The following PDCD1 variants were observed in gnomAD, a reference collection of about 807,000 sequenced individuals.
PDCD1 encodes the protein programmed cell death protein 1.
In PDCD1, 10 loss-of-function variants were observed where a neutral mutation model predicts 23.6. The ratio of observed to expected loss-of-function variants is 0.42; its 90% confidence interval spans 0.26 to 0.72. PDCD1 has a LOEUF of 0.72. Ranked by LOEUF, PDCD1 falls within the 30% of genes least tolerant of loss-of-function variation. PDCD1 has a pLI of 0.24. For synonymous variants in PDCD1, 168 were observed against 169.3 expected (o/e 0.99, Z 0.06); for missense variants, 313 against 397.8 (o/e 0.79, Z 1.81).
At chr2:241,851,372 C>G in intron 4 of PDCD1, 75 bp from the exon 5 acceptor site, 2 of 1,499,474 alleles carry the variant, frequency 1.3e-6, no homozygotes, top group Non-Finnish European at 1.8e-6. Flanking sequence ...CACAGCCTGG[C>G]TGCAGTACCG....
At chr2:241,854,464 T>C (rs1051739876) in intron 1 of PDCD1, among the ~76,000 whole-genome samples, 7 of 152,094 alleles carry the variant, frequency 4.6e-5, no homozygotes, top group African/African-American at 1.7e-4. Flanking sequence ...AGAGTGGATT[T>C]TGACCAAGGA....
At chr2:241,857,884 T>G (rs1298218161) in intron 1 of PDCD1, among the ~76,000 whole-genome samples, 1 of 152,036 alleles carries the variant, frequency 6.6e-6, no homozygotes, top group Non-Finnish European at 1.5e-5. Flanking sequence ...GTCTTAGGCT[T>G]GGCCTGGGTG....
At position 241,850,700 on chromosome 2, in the gene PDCD1, G is replaced by C. The variant is rs554320171; in HGVS notation, c.*358C>G. 3.6e-6 allele frequency: 2 copies of C among 549,130 alleles called. No individual in the cohort carries two copies. The allele number at this position is 549,130 out of a possible 1,614,324, so 34.0% of individuals were successfully genotyped here. On this transcript the variant is annotated 3_prime_UTR_variant, in exon 5 of 5. Transcript: ENST00000334409. ...GCTCCGGGGCGTCAGGCAGGGCCAC[G>C]GCGCCTTCAGCCCCGGGCCGCAGGC...
rs1000249974 is a variant in PDCD1, at chr2:241,852,874, C to T, written c.183G>A (p.Glu61=). 1 of 1,603,820 alleles carries T rather than the reference C, an allele frequency of 6.2e-7. No homozygotes were observed. Among genetic ancestry groups the T allele is most frequent in the Non-Finnish European group, 8.5e-7 (1 of 1,179,852 alleles). The change falls in exon 2 of 5, where the codon GAG becomes GAA. Residue 61 remains glutamate (E), a synonymous_variant. Transcript: ENST00000334409. ...TGCGGTACCAGTTTAGCACGAAGCTCTCCGATGTGTTGGAGAAGCTGCAGG... is the reference window on the plus strand; with the variant it reads ...TGCGGTACCAGTTTAGCACGAAGCTTTCCGATGTGTTGGAGAAGCTGCAGG... ...TFTCSFSNTS[E]SFVLNWYRMS... is the part of the protein sequence containing the mutation.
rs1474931313 is a variant in PDCD1 at position 241,852,319 on chromosome 2, G to T, written c.471C>A (p.Ser157Arg). The T allele has an allele frequency of 6.2e-7, 1 of 1,608,178 alleles. No individual in the cohort carries two copies. The highest frequency in any genetic ancestry group is 8.5e-7 in the Non-Finnish European group (1 of 1,176,774). The change falls in exon 3 of 5, where the codon AGC becomes AGA. Residue 157 changes from serine (S) to arginine (R), a missense_variant. Physicochemically the swap from Ser to Arg is moderately radical, Grantham distance 110. Coordinates refer to ENST00000334409, the MANE Select transcript of PDCD1 (RefSeq NM_005018.3). ...RRAEVPTAHP[S>R]PSPRPAGQFQ... ...ACTGGCCGGCTGGCCTGGGTGAGGGGCTGGGGTGGGCTGTGGGCACTTCTG... is the reference window on the plus strand; with the variant it reads ...ACTGGCCGGCTGGCCTGGGTGAGGGTCTGGGGTGGGCTGTGGGCACTTCTG...
Position 241,858,844 on chromosome 2 carries a change from G to A in PDCD1, c.-6C>T, listed in dbSNP as rs1701078608. On this transcript the variant is annotated 5_prime_UTR_variant, in exon 1 of 5. Transcript: ENST00000334409. ...GGCGCCTGTGGGATCTGCATGCCTG[G>A]AGCAGCCCCACCAGAGTGCCGCCTT... 1.3e-6 allele frequency: 2 copies of A among 1,567,510 alleles called. No homozygotes were observed. Among genetic ancestry groups the A allele is most frequent in the African/African-American group, 1.4e-5 (1 of 73,994 alleles).
At chr2:241,855,307 G>A (rs1301120575) in intron 1 of PDCD1, among the ~76,000 whole-genome samples, 1 of 152,074 alleles carries the variant, frequency 6.6e-6, no homozygotes, top group Non-Finnish European at 1.5e-5. Context: ...GTGTGGGGGT[G>A]CTGGGTGGCG....
At chr2:241,854,351 G>A (rs1700968607) in intron 1 of PDCD1, among the ~76,000 whole-genome samples, 1 of 152,364 alleles carries the variant, frequency 6.6e-6, no homozygotes, top group South Asian at 2.1e-4. Flanking sequence ...GGGCTGCTGA[G>A]GTGAGCCCCC....
chr2:241,852,581 G>T (rs41450345), intron 2 of PDCD1, 40 bp downstream of exon 2: 104 of 1,593,298 alleles, frequency 6.5e-5, no homozygotes, highest in Non-Finnish European at 8.7e-5. Flanking sequence ...CCCCAGGACC[G>T]GCTCAGCTCA....
intron 3 of PDCD1, 60 bp downstream of exon 3, chr2:241,852,138 G>T (rs1441959649): frequency 1.9e-6 from 3 of 1,558,992 alleles, no homozygotes; most frequent in Non-Finnish European, 2.6e-6. Flanking sequence ...AGGGGAGGCG[G>T]GAGTGAGGGC....
chr2:241,855,227 C>T (rs868081603), intron 1 of PDCD1, among the ~76,000 whole-genome samples: 5 of 151,910 alleles, frequency 3.3e-5, no homozygotes, highest in Admixed American at 1.3e-4. Context: ...GGCTAGACCT[C>T]GGTGTCTGCA....
At chr2:241,857,410 C>T (rs1251074675) in intron 1 of PDCD1, among the ~76,000 whole-genome samples, 1 of 152,260 alleles carries the variant, frequency 6.6e-6, no homozygotes, top group African/African-American at 2.4e-5. Flanking sequence ...CCGCCTGGGT[C>T]GGGGAGGGTG....
Position 241,850,546 on chromosome 2 carries a change from GC to G in PDCD1, c.*511del. On this transcript the variant is annotated 3_prime_UTR_variant, in exon 5 of 5. Transcript: ENST00000334409. ...GCAGATAACTCCTGGGGAGTCCCCA[GC>G]CCCATGTACCTCCCACTCCTGTGCC... 2.7e-6 allele frequency: 1 copy of G among 363,706 alleles called. No individual in the cohort carries two copies. 22.5% of individuals were successfully genotyped at this position (363,706 alleles called of 1,614,324 possible). A position where few individuals can be genotyped will look rare whatever the true frequency, so the allele number is the denominator to read the frequency against.
intron 1 of PDCD1, 148 bp downstream of exon 1, chr2:241,858,615 T>C: frequency 2.9e-6 from 2 of 701,216 alleles, no homozygotes; most frequent in Non-Finnish European, 2.5e-6. Flanking sequence ...GGACTGAGAG[T>C]GAAAGGTCCC....
intron 1 of PDCD1, among the ~76,000 whole-genome samples, chr2:241,853,733 C>T (rs556740485): frequency 6.6e-6 from 1 of 152,392 alleles, no homozygotes; most frequent in African/African-American, 2.4e-5. Context: ...GCGGCTCTTC[C>T]GCCAGGCGGA....
intron 1 of PDCD1, among the ~76,000 whole-genome samples, chr2:241,858,428 TGA>T (rs1290587860): frequency 6.6e-6 from 1 of 152,144 alleles, no homozygotes; most frequent in Non-Finnish European, 1.5e-5. Flanking sequence ...AAGGACCGGC[TGA>T]GAGGGGACAG....
chr2:241,850,126 T>C lies in PDCD1; in HGVS notation c.*932A>G, dbSNP rs1415918684. 2.6e-5 allele frequency: 6 copies of C among 229,776 alleles called. No homozygotes were observed. The highest frequency in any genetic ancestry group is 5.2e-5 in the Non-Finnish European group (6 of 116,064). The allele number at this position is 229,776 out of a possible 1,614,324, so 14.2% of individuals were successfully genotyped here. ...TGGGAGCCCGGCCAACCCCTTTAAA[T>C]AATTTCAGGAATGGGTTCCAAGGAG... On this transcript the variant is annotated 3_prime_UTR_variant, in exon 5 of 5. Coordinates refer to ENST00000334409, the MANE Select transcript of PDCD1 (RefSeq NM_005018.3).
At chr2:241,852,537 G>A in intron 2 of PDCD1, 84 bp downstream of exon 2, 1 of 1,503,226 alleles carries the variant, frequency 6.7e-7, no homozygotes, top group Admixed American at 1.9e-5. Flanking sequence ...CTACGACCCT[G>A]GAGCTCCTGA....
rs41394149 is a variant in PDCD1, at chr2:241,856,394, A to C, written c.76+2369T>G. ...TTTGTCATGGCAGCTCCAGCCGCCC[A>C]GTCCCCAAAGCAAATGTGTCAATAT... is the stretch of plus-strand genomic sequence containing the variant. On this transcript the variant is annotated intron_variant, in intron 1 of 4. Coordinates refer to ENST00000334409, the MANE Select transcript of PDCD1 (RefSeq NM_005018.3). Among the ~76,000 whole-genome samples, 1,055 of 152,390 alleles carry C rather than the reference A, an allele frequency of 6.9e-3. 15 individuals carry two copies. Among genetic ancestry groups the C allele is most frequent in the African/African-American group, 0.024 (1,003 of 41,596 alleles).
Sources: gnomAD v4.1 joint callset for allele counts (sites outside exome capture counted in the v4.1 genomes callset) on GRCh38, gnomAD v4.1.1 for gene constraint, MANE v1.5 for transcripts, NCBI Gene and HGNC (gene_info 2026-07-23, HGNC 2026-07-21) for gene names.